The following FBXO44 variants were observed in gnomAD, a reference collection of about 807,000 sequenced individuals.
FBXO44 encodes F-box only protein 44.
Under a neutral mutation model 33.5 loss-of-function variants are expected in FBXO44, and 25 were observed. That is an observed-to-expected ratio of 0.75 (90% CI 0.54 to 1.04). The LOEUF is 1.04. Among genes scored for constraint, FBXO44 ranks in the 50% least tolerant of loss-of-function variants. The pLI is 0.00. For missense variants in FBXO44, 311 were observed against 344.0 expected, an observed-to-expected ratio of 0.90 and a Z score of 0.76; for synonymous variants, 147 against 152.8, an observed-to-expected ratio of 0.96 and a Z score of 0.28.
rs1639970995 is a variant in FBXO44, at chr1:11,658,598, CCACACGGCCGGA to C, written c.461_472del (p.Thr154_Asp157del). ...GGGTATTGGGAGGAGCTGATGGATA[CCACACGGCCGGA>C]CATCGAGGTCAAGGACTGGTGAGTG... On this transcript the variant is annotated inframe_deletion, in exon 4 of 6. Transcript: ENST00000251547. 1 of 1,613,604 alleles carries C rather than the reference CCACACGGCCGGA, an allele frequency of 6.2e-7. No individual in the cohort carries two copies. Among genetic ancestry groups the C allele is most frequent in the Non-Finnish European group, 8.5e-7 (1 of 1,180,012 alleles).
At position 11,661,216 on chromosome 1, in the gene FBXO44, C is replaced by G; in HGVS notation, c.711C>G (p.Gly237=). Residue 237 remains glycine (G), a synonymous_variant, in exon 6 of 6, where the codon GGC becomes GGG. Coordinates refer to ENST00000251547, the MANE Select transcript of FBXO44 (RefSeq NM_033182.7). The surrounding 1 kb of genome is among the most constrained non-coding windows in gnomAD (Gnocchi z 4.4). Reference sequence around the variant, plus strand: ...GCGTGGACACTCATTACTGGGCCGGCTGGTACGGCCCGAGGGTCACCAACA... The same window carrying G: ...GCGTGGACACTCATTACTGGGCCGGGTGGTACGGCCCGAGGGTCACCAACA... ...HGGVDTHYWA[G]WYGPRVTNSS... 1 of 1,614,124 alleles carries G rather than the reference C, an allele frequency of 6.2e-7. No homozygotes were observed. Among genetic ancestry groups the G allele is most frequent in the African/African-American group, 1.3e-5 (1 of 75,048 alleles).
rs779604998 is a variant in FBXO44 at position 11,656,117 on chromosome 1, G to T, written c.265+17G>T. On this transcript the variant is annotated intron_variant, in intron 2 of 5. Transcript: ENST00000251547. The stretch of plus-strand genomic sequence containing the variant: ...GCGCTGAAGGTGGGGTACAGGCCGG[G>T]TCTGGCATGCCTCCAGTACACAGTC... 2.5e-6 allele frequency: 4 copies of T among 1,611,322 alleles called. No individual in the cohort carries two copies. The highest frequency in any genetic ancestry group is 3.4e-6 in the Non-Finnish European group (4 of 1,177,888).
In FBXO44 at chr1:11,656,882, G is replaced by A. The variant is rs1298742019; in HGVS notation, c.265+782G>A. ...AGGAAGTCAGAGCCATATTTTGTTG[G>A]CCTAGTTTCTAGGCTCCAGGGTTGG... is the stretch of plus-strand genomic sequence containing the variant. On this transcript the variant is annotated intron_variant, in intron 2 of 5. Coordinates refer to ENST00000251547, the MANE Select transcript of FBXO44 (RefSeq NM_033182.7). Among the ~76,000 whole-genome samples, 9 of 152,280 alleles carry A rather than the reference G, an allele frequency of 5.9e-5. 1 individual carries two copies. In the South Asian group the frequency reaches 1.4e-3, roughly 25 times the overall value.
chr1:11,661,002 C>A lies in FBXO44; in HGVS notation c.625-128C>A. 1 of 986,914 alleles carries A rather than the reference C, an allele frequency of 1.0e-6. No individual in the cohort carries two copies. Among genetic ancestry groups the A allele is most frequent in the Non-Finnish European group, 1.5e-6 (1 of 666,920 alleles). 61.1% of individuals were successfully genotyped at this position (986,914 alleles called of 1,614,324 possible). A position where few individuals can be genotyped will look rare whatever the true frequency, so the allele number is the denominator to read the frequency against. On this transcript the variant is annotated intron_variant, in intron 5 of 5. Coordinates refer to ENST00000251547, the MANE Select transcript of FBXO44 (RefSeq NM_033182.7). The surrounding 1 kb of genome is among the most constrained non-coding windows in gnomAD (Gnocchi z 4.4). ...CTCTGGTTTGCGACAAGACTAGTTG[C>A]AAACTCCTGGGCTCAAACAACCCTC...
rs144752421 is a variant in FBXO44 at position 11,661,649 on chromosome 1, C to T, written c.*376C>T. 213 of 243,968 alleles carry T rather than the reference C, an allele frequency of 8.7e-4. No homozygotes were observed. The highest frequency in any genetic ancestry group is 4.3e-3 in the African/African-American group (196 of 45,212). 15.1% of individuals were successfully genotyped at this position (243,968 alleles called of 1,614,324 possible). A position where few individuals can be genotyped will look rare whatever the true frequency, so the allele number is the denominator to read the frequency against. On this transcript the variant is annotated 3_prime_UTR_variant, in exon 6 of 6. Coordinates refer to ENST00000251547, the MANE Select transcript of FBXO44 (RefSeq NM_033182.7). The surrounding 1 kb of genome is among the most constrained non-coding windows in gnomAD (Gnocchi z 4.4). The stretch of plus-strand genomic sequence containing the variant: ...CATTCTACCTGTGTTCTTTGACCCT[C>T]GGAGCAGGGACAGGCAAGACAACTG...
At chr1:11,658,425 C>A in intron 3 of FBXO44, 32 bp downstream of exon 3, 10 of 1,613,390 alleles carry the variant, frequency 6.2e-6, no homozygotes, top group Non-Finnish European at 8.5e-6. Flanking sequence ...TAGGGGAAAG[C>A]CCAAATCAAT....
At chr1:11,660,165 T>C (rs1296356767) in intron 5 of FBXO44, among the ~76,000 whole-genome samples, 6 of 151,966 alleles carry the variant, frequency 3.9e-5, no homozygotes, top group African/African-American at 1.5e-4. Context: ...TTTTACTTAA[T>C]TTTTTTTTCT....
In FBXO44 at chr1:11,662,175, C is replaced by T. The variant is rs921707306; in HGVS notation, c.*902C>T. 9.2e-5 allele frequency: 14 copies of T among 152,022 alleles called. No individual in the cohort carries two copies. Among genetic ancestry groups the T allele is most frequent in the African/African-American group, 3.4e-4 (14 of 41,370 alleles). The allele number at this position is 152,022 out of a possible 1,614,324, so 9.4% of individuals were successfully genotyped here. ...CCCCTAGAACTGCCATTCCCAAGAC[C>T]TCTGTCTCCCAGCCAACCACCCTTG... On this transcript the variant is annotated 3_prime_UTR_variant, in exon 6 of 6. Coordinates refer to ENST00000251547, the MANE Select transcript of FBXO44 (RefSeq NM_033182.7).
chr1:11,658,494 G>T lies in FBXO44; in HGVS notation c.393-39G>T, dbSNP rs756077232. ...AGTCCTAGCCCCTCACTGCCCTAGTGGTGAGCCCAGCCCCTCCCACCCCTC... is the reference window on the plus strand; with the variant it reads ...AGTCCTAGCCCCTCACTGCCCTAGTTGTGAGCCCAGCCCCTCCCACCCCTC... On this transcript the variant is annotated intron_variant, in intron 3 of 5. Transcript: ENST00000251547. 5 of 1,608,852 alleles carry T rather than the reference G, an allele frequency of 3.1e-6. No homozygotes were observed. The South Asian group carries it at 5.5e-5, about 18-fold the overall frequency.
In FBXO44 at chr1:11,661,337, G is replaced by A; in HGVS notation, c.*64G>A. The A allele has an allele frequency of 1.2e-6, 2 of 1,602,124 alleles. No individual in the cohort carries two copies. Among genetic ancestry groups the A allele is most frequent in the Non-Finnish European group, 1.7e-6 (2 of 1,171,340 alleles). ...AACAACTGCTGTCAGAAAAGGGCTG[G>A]GCTTGGGAAGGGGAGGTGGAGGCCA... On this transcript the variant is annotated 3_prime_UTR_variant, in exon 6 of 6. Coordinates refer to ENST00000251547, the MANE Select transcript of FBXO44 (RefSeq NM_033182.7). This position sits in a 1 kb window ranked among gnomAD's most constrained non-coding sequence, Gnocchi z 4.4.
rs199540779 is a variant in FBXO44 at position 11,658,251 on chromosome 1, T to G, written c.266-16T>G. The G allele has an allele frequency of 1.3e-4, 206 of 1,613,458 alleles. No homozygotes were observed. The South Asian group carries it at 1.9e-3, about 15-fold the overall frequency. Reference sequence around the variant, plus strand: ...TGAGGGGCTTCCCTTCAGTGTGAACTCTGCTTTTCCATCAGAGGGGTTCGA... The same window carrying G: ...TGAGGGGCTTCCCTTCAGTGTGAACGCTGCTTTTCCATCAGAGGGGTTCGA... On this transcript the variant is annotated splice_polypyrimidine_tract_variant and intron_variant, in intron 2 of 5. Transcript: ENST00000251547.
At chr1:11,657,834 G>A (rs1639909103) in intron 2 of FBXO44, among the ~76,000 whole-genome samples, 1 of 152,078 alleles carries the variant, frequency 6.6e-6, no homozygotes, top group South Asian at 2.1e-4. Flanking sequence ...TAGTATGTGG[G>A]CCACAAGTCC....
chr1:11,658,655 G>A, intron 4 of FBXO44, 27 bp downstream of exon 4: 1 of 1,608,486 alleles, frequency 6.2e-7, no homozygotes. Flanking sequence ...AGGGTCTGGG[G>A]TGGGGCATGC....
At chr1:11,655,775 G>C in intron 1 of FBXO44, 31 bp from the exon 2 acceptor site, 1 of 1,591,884 alleles carries the variant, frequency 6.3e-7, no homozygotes, top group Non-Finnish European at 8.6e-7. Flanking sequence ...GGCAGAGCAG[G>C]GATGAGGCCT....
In FBXO44 at chr1:11,661,014, C is replaced by G. The variant is rs1049750255; in HGVS notation, c.625-116C>G. ...ACAAGACTAGTTGCAAACTCCTGGG[C>G]TCAAACAACCCTCCCACCTCAGCCT... On this transcript the variant is annotated intron_variant, in intron 5 of 5. Coordinates refer to ENST00000251547, the MANE Select transcript of FBXO44 (RefSeq NM_033182.7). The surrounding 1 kb of genome is among the most constrained non-coding windows in gnomAD (Gnocchi z 4.4). 9 of 1,120,374 alleles carry G rather than the reference C, an allele frequency of 8.0e-6. No homozygotes were observed. In the African/African-American group the frequency reaches 1.4e-4, roughly 18 times the overall value. The allele number at this position is 1,120,374 out of a possible 1,614,324, so 69.4% of individuals were successfully genotyped here. A position where few individuals can be genotyped will look rare whatever the true frequency, so the allele number is the denominator to read the frequency against.
intron 4 of FBXO44, 49 bp from the exon 5 acceptor site, chr1:11,658,687 C>T (rs1639980698): frequency 1.2e-6 from 2 of 1,604,082 alleles, no homozygotes; most frequent in African/African-American, 2.7e-5. Flanking sequence ...CCCACCCCCG[C>T]CCTGCCCCCA....
chr1:11,660,388 G>C (rs1433043658), intron 5 of FBXO44, among the ~76,000 whole-genome samples: 1 of 152,026 alleles, frequency 6.6e-6, no homozygotes, highest in Non-Finnish European at 1.5e-5. Context: ...TCCATCTCCC[G>C]ACCTCAGGTG....
At chr1:11,660,265 G>A (rs868026116) in intron 5 of FBXO44, among the ~76,000 whole-genome samples, 84 of 152,042 alleles carry the variant, frequency 5.5e-4, no homozygotes, top group African/African-American at 1.9e-3. Flanking sequence ...CGGTTCAAAC[G>A]ATTCTCCTGC....
chr1:11,655,615 G>A (rs1639723892), intron 1 of FBXO44, 191 bp from the exon 2 acceptor site: 1 of 607,210 alleles, frequency 1.6e-6, no homozygotes, highest in Non-Finnish European at 2.9e-6. Context: ...ATTGTGAGAG[G>A]CCAGAGAAAA....
Sources: allele counts gnomAD v4.1 joint callset (sites outside exome capture counted in the v4.1 genomes callset), GRCh38; gene constraint gnomAD v4.1.1; non-coding constraint Gnocchi (gnomAD v3.1); transcripts MANE v1.5; gene names NCBI Gene and HGNC (gene_info 2026-07-23, HGNC 2026-07-21).